The following APOOL variants were observed in gnomAD, a reference collection of about 807,000 sequenced individuals.
APOOL encodes MICOS complex subunit MIC27.
APOOL carries 12 observed loss-of-function variants against 23.1 expected under a neutral mutation model. The observed-to-expected ratio is 0.52, with a 90% CI of 0.33 to 0.84. APOOL has a LOEUF of 0.84. Among genes scored for constraint, APOOL ranks in the 40% least tolerant of loss-of-function variants. The probability of loss-of-function intolerance (pLI) is 0.02; values close to 1 mark genes in which losing one functional copy is unlikely to be tolerated. For missense variants in APOOL, 212 were observed against 199.6 expected (o/e 1.06, Z -0.37); for synonymous variants, 77 against 69.9 (o/e 1.10, Z -0.51).
intron 8 of APOOL, among the ~76,000 whole-genome samples, chrX:85,076,254 T>C (rs778566443): frequency 2.7e-5 from 3 of 111,052 alleles, no homozygotes; most frequent in Non-Finnish European, 3.8e-5. Context: ...TAACAATATA[T>C]CATTTGGCGT....
chrX:85,047,041 T>G (rs185794533), intron 2 of APOOL, among the ~76,000 whole-genome samples: 3 of 111,338 alleles, frequency 2.7e-5, no homozygotes, highest in African/African-American at 9.7e-5. Flanking sequence ...CCCATTCCGT[T>G]TTCTAAATCC....
intron 8 of APOOL, among the ~76,000 whole-genome samples, chrX:85,081,707 C>A (rs1263213484): frequency 1.8e-5 from 2 of 111,668 alleles, no homozygotes; most frequent in African/African-American, 6.5e-5. Context: ...TCCATTCTCC[C>A]CGTCACTTTC....
chrX:85,067,321 G>T, intron 6 of APOOL, 103 bp downstream of exon 6: 1 of 539,639 alleles, frequency 1.9e-6, no homozygotes, highest in Non-Finnish European at 2.9e-6. Context: ...AATTTTAAGA[G>T]ACATAGTTGG....
intron 5 of APOOL, among the ~76,000 whole-genome samples, chrX:85,060,982 GT>G (rs1440197205): frequency 9.0e-6 from 1 of 111,439 alleles, no homozygotes; most frequent in Non-Finnish European, 1.9e-5. Context: ...AATGCTTCCA[GT>G]TTTTGCCCAT....
At chrX:85,084,368 C>T (rs894956910) in intron 8 of APOOL, among the ~76,000 whole-genome samples, 1 of 109,825 alleles carries the variant, frequency 9.1e-6, no homozygotes, top group Non-Finnish European at 1.9e-5. Flanking sequence ...ATCTCCTAAC[C>T]TTGTGATCCT....
chrX:85,076,995 T>TTA (rs752255967), intron 8 of APOOL, among the ~76,000 whole-genome samples: 5,455 of 82,311 alleles, frequency 0.066, 227 homozygotes, highest in Admixed American at 0.14. Flanking sequence ...TTTGCTAAAC[T>TTA]TATATATATA....
intron 4 of APOOL, among the ~76,000 whole-genome samples, chrX:85,054,733 C>T (rs772951005): frequency 1.8e-5 from 2 of 110,963 alleles, no homozygotes; most frequent in South Asian, 3.8e-4. Context: ...AGTAGGTTAT[C>T]GAGCTTACGT....
intron 1 of APOOL, among the ~76,000 whole-genome samples, chrX:85,026,061 C>G (rs751917714): frequency 8.8e-6 from 1 of 113,375 alleles, no homozygotes; most frequent in East Asian, 2.8e-4. Flanking sequence ...GAGGCTTTCT[C>G]ATATATCCTC....
At chrX:85,029,299 A>G (rs1278772181) in intron 1 of APOOL, among the ~76,000 whole-genome samples, 1 of 111,694 alleles carries the variant, frequency 9.0e-6, no homozygotes, top group Admixed American at 9.5e-5. Context: ...GATCACATAA[A>G]TGATCTAAGT....
intron 1 of APOOL, among the ~76,000 whole-genome samples, chrX:85,037,532 T>C (rs779847444): frequency 2.7e-5 from 3 of 111,600 alleles, no homozygotes; most frequent in Non-Finnish European, 5.7e-5. Flanking sequence ...GTCTTGGATA[T>C]GTCTTTATCA....
intron 1 of APOOL, among the ~76,000 whole-genome samples, chrX:85,005,390 A>C (rs1921027076): frequency 1.4e-4 from 2 of 13,818 alleles, no homozygotes; most frequent in African/African-American, 3.2e-4. Context: ...TGACCTCGTG[A>C]TTCACCCCCC....
At chrX:85,086,294 T>C (rs1924287707) in intron 8 of APOOL, among the ~76,000 whole-genome samples, 1 of 111,775 alleles carries the variant, frequency 8.9e-6, no homozygotes, top group Admixed American at 9.5e-5. Context: ...CTTTCCTACA[T>C]TCTCCTAACC....
rs189524259 is a variant in APOOL at position 85,071,666 on chromosome X, T to C, written c.487-2332T>C. Among the ~76,000 whole-genome samples the C allele has an allele frequency of 6.0e-3, 672 of 111,838 alleles. 5 individuals carry two copies. The highest frequency in any genetic ancestry group is 0.021 in the African/African-American group (635 of 30,826). ...AATCTAGAAGCCATTAAAGAAAAAGTTGACATATTTGACTACATCAAAATT... is the reference window on the plus strand; with the variant it reads ...AATCTAGAAGCCATTAAAGAAAAAGCTGACATATTTGACTACATCAAAATT... On this transcript the variant is annotated intron_variant, in intron 6 of 8. Coordinates refer to ENST00000373173, the MANE Select transcript of APOOL (RefSeq NM_198450.6).
intron 1 of APOOL, among the ~76,000 whole-genome samples, chrX:85,033,470 G>C (rs1775752023): frequency 8.9e-6 from 1 of 111,837 alleles, no homozygotes; most frequent in Non-Finnish European, 1.9e-5. Flanking sequence ...AGCGAAAAAT[G>C]GAAGAACCTG....
At chrX:85,025,047 C>T (rs1040217304) in intron 1 of APOOL, among the ~76,000 whole-genome samples, 4 of 111,839 alleles carry the variant, frequency 3.6e-5, no homozygotes, top group African/African-American at 1.3e-4. Flanking sequence ...ATTGTTTAGG[C>T]TTTACAGGAA....
At chrX:85,060,437 G>T (rs1479914692) in intron 5 of APOOL, among the ~76,000 whole-genome samples, 1 of 106,846 alleles carries the variant, frequency 9.4e-6, no homozygotes, top group Admixed American at 1.0e-4. Flanking sequence ...TAGCTTGATG[G>T]GGATGGCATT....
intron 8 of APOOL, among the ~76,000 whole-genome samples, chrX:85,085,548 G>A (rs981947246): frequency 1.3e-4 from 15 of 111,890 alleles, no homozygotes; most frequent in Non-Finnish European, 2.1e-4. Context: ...GAAAAGATAG[G>A]TATAAGATAA....
At chrX:85,049,200 A>G (rs1922678256) in intron 2 of APOOL, among the ~76,000 whole-genome samples, 2 of 111,753 alleles carry the variant, frequency 1.8e-5, no homozygotes, top group South Asian at 7.5e-4. Context: ...TTCTATCTAT[A>G]CAATAAGTGG....
At chrX:85,050,759 G>A (rs1878109407) in intron 2 of APOOL, among the ~76,000 whole-genome samples, 1 of 110,064 alleles carries the variant, frequency 9.1e-6, no homozygotes, top group African/African-American at 3.3e-5. Flanking sequence ...ATATGATGAT[G>A]ATAATGATGT....
Sources: gnomAD v4.1 joint callset for allele counts (sites outside exome capture counted in the v4.1 genomes callset) on GRCh38, gnomAD v4.1.1 for gene constraint, MANE v1.5 for transcripts, NCBI Gene and HGNC (gene_info 2026-07-23, HGNC 2026-07-21) for gene names.